The following AIG1 variants were observed in gnomAD, a reference collection of about 807,000 sequenced individuals.
AIG1 encodes androgen-induced gene 1 protein.
In AIG1, 23 loss-of-function variants were observed where a neutral mutation model predicts 31.4. That is an observed-to-expected ratio of 0.73 (90% CI 0.53 to 1.04). The LOEUF is 1.04. Among genes scored for constraint, AIG1 ranks in the 50% least tolerant of loss-of-function variants. AIG1 has a pLI of 0.00. For missense variants in AIG1, 274 were observed against 295.0 expected (o/e 0.93, Z 0.52); for synonymous variants, 100 against 110.5 (o/e 0.90, Z 0.60).
intron 1 of AIG1, among the ~76,000 whole-genome samples, chr6:143,062,609 G>A (rs1279379746): frequency 6.6e-6 from 1 of 152,198 alleles, no homozygotes; most frequent in African/African-American, 2.4e-5. Context: ...TGCCAATTAT[G>A]TTGTGTAGCA....
intron 2 of AIG1, among the ~76,000 whole-genome samples, chr6:143,145,731 TA>T (rs768941530): frequency 6.6e-6 from 1 of 152,164 alleles, no homozygotes; most frequent in Non-Finnish European, 1.5e-5. Context: ...TCAGGAGTTT[TA>T]AAAAATGTAA....
chr6:143,137,093 A>G, intron 2 of AIG1, 103 bp downstream of exon 2: 3 of 1,236,940 alleles, frequency 2.4e-6, no homozygotes, highest in Non-Finnish European at 3.1e-6. Flanking sequence ...TTTCTGTATT[A>G]TTAGTTTGCT....
intron 2 of AIG1, among the ~76,000 whole-genome samples, chr6:143,143,528 AATATAT>A (rs1245695724): frequency 9.0e-4 from 25 of 27,790 alleles, no homozygotes; most frequent in South Asian, 5.1e-3. Flanking sequence ...AAAAAAAAAA[AATATAT>A]ATATATATAT....
intron 2 of AIG1, among the ~76,000 whole-genome samples, chr6:143,160,400 G>T (rs1786239748): frequency 6.6e-6 from 1 of 152,176 alleles, no homozygotes; most frequent in Non-Finnish European, 1.5e-5. Context: ...TTTTCTTTTG[G>T]CATTAATTTC....
intron 3 of AIG1, among the ~76,000 whole-genome samples, chr6:143,175,630 T>A (rs1211106709): frequency 6.6e-6 from 1 of 152,250 alleles, no homozygotes; most frequent in Non-Finnish European, 1.5e-5. Context: ...TGCATTTCTC[T>A]AAGTGTGATT....
rs980117311 is a variant in AIG1 at position 143,274,209 on chromosome 6, C to T, written c.400-9901C>T. 5.9e-5 allele frequency among the ~76,000 whole-genome samples: 9 copies of T among 152,144 alleles called. No individual in the cohort carries two copies. The South Asian group carries it at 6.2e-4, about 11-fold the overall frequency. ...TCCCTCATAGGAGATCTACCCCTGGCCATTCTTTTATCCTTCGGTTGTCCT... is the reference window on the plus strand; with the variant it reads ...TCCCTCATAGGAGATCTACCCCTGGTCATTCTTTTATCCTTCGGTTGTCCT... On this transcript the variant is annotated intron_variant, in intron 3 of 5. Transcript: ENST00000357847.
At chr6:143,174,101 T>C (rs1287711914) in intron 3 of AIG1, among the ~76,000 whole-genome samples, 2 of 152,200 alleles carry the variant, frequency 1.3e-5, no homozygotes, top group Admixed American at 1.3e-4. Context: ...AGGATTTTGA[T>C]ATTTCCCTGT....
chr6:143,337,876 C>T (rs1777626910), intron 5 of AIG1: 3 of 398,180 alleles, frequency 7.5e-6, no homozygotes, highest in Admixed American at 4.4e-5. Context: ...ATCCTGCCTT[C>T]GCTTTGCGAT....
rs893426455 is a variant in AIG1, at chr6:143,297,960, A to G, written c.515+13735A>G. Among the ~76,000 whole-genome samples, 1 of 152,184 alleles carries G rather than the reference A, an allele frequency of 6.6e-6. No homozygotes were observed. The highest frequency in any genetic ancestry group is 2.4e-5 in the African/African-American group (1 of 41,430). ...TAAGTCACCCATAAAGCTGAGAATT[A>G]CGTACAAAACTCTTACATAAATTAA... is the stretch of plus-strand genomic sequence containing the variant. On this transcript the variant is annotated intron_variant, in intron 4 of 5. Transcript: ENST00000357847. This position sits in a 1 kb window ranked among gnomAD's most constrained non-coding sequence, Gnocchi z 5.1.
At chr6:143,171,047 A>G (rs1238287991) in intron 3 of AIG1, among the ~76,000 whole-genome samples, 3 of 152,052 alleles carry the variant, frequency 2.0e-5, no homozygotes, top group Non-Finnish European at 2.9e-5. Context: ...ATTCAATGAA[A>G]TAATAGCTGA....
chr6:143,204,345 G>A (rs61328385), intron 3 of AIG1, among the ~76,000 whole-genome samples: 231 of 152,222 alleles, frequency 1.5e-3, no homozygotes, highest in African/African-American at 5.4e-3. Context: ...TAGAACTGTT[G>A]ACCAGAGTGC....
rs1014438958 is a variant in AIG1 at position 143,325,068 on chromosome 6, A to G, written c.516-8214A>G. 5.3e-5 allele frequency among the ~76,000 whole-genome samples: 8 copies of G among 152,184 alleles called. No homozygotes were observed. The highest frequency in any genetic ancestry group is 1.9e-4 in the African/African-American group (8 of 41,434). ...TGTACATACCACTTGGAATCTGAAA[A>G]TGCTTTCCCTTCCACTTTATTGGTG... On this transcript the variant is annotated intron_variant, in intron 4 of 5. Transcript: ENST00000357847. This position sits in a 1 kb window ranked among gnomAD's most constrained non-coding sequence, Gnocchi z 4.3.
intron 2 of AIG1, among the ~76,000 whole-genome samples, chr6:143,164,198 C>T (rs1410398001): frequency 2.0e-5 from 3 of 152,172 alleles, no homozygotes; most frequent in Non-Finnish European, 4.4e-5. Flanking sequence ...TGAGGCATCA[C>T]TCTACAGAGA....
chr6:143,132,098 A>G (rs1232893208), intron 1 of AIG1, among the ~76,000 whole-genome samples: 1 of 152,178 alleles, frequency 6.6e-6, no homozygotes, highest in Admixed American at 6.5e-5. Context: ...TTACTTCTAA[A>G]TATTCTTAAA....
At chr6:143,110,683 AGGTG>A (rs1781187731) in intron 1 of AIG1, among the ~76,000 whole-genome samples, 1 of 152,090 alleles carries the variant, frequency 6.6e-6, no homozygotes, top group Non-Finnish European at 1.5e-5. Flanking sequence ...CTTGAGGAGG[AGGTG>A]CGGAGTTTTT....
chr6:143,063,831 G>C (rs988733185), intron 1 of AIG1, among the ~76,000 whole-genome samples: 1 of 152,210 alleles, frequency 6.6e-6, no homozygotes, highest in Non-Finnish European at 1.5e-5. Flanking sequence ...CAGGCTCTAT[G>C]CATCCAGGAG....
intron 1 of AIG1, among the ~76,000 whole-genome samples, chr6:143,062,891 A>G (rs1776378955): frequency 1.3e-5 from 2 of 152,168 alleles, no homozygotes; most frequent in African/African-American, 4.8e-5. Context: ...GCCTATTTGA[A>G]TGTTGCTAAA....
At chr6:143,096,186 G>T (rs934328058) in intron 1 of AIG1, among the ~76,000 whole-genome samples, 2 of 152,112 alleles carry the variant, frequency 1.3e-5, no homozygotes, top group Admixed American at 1.3e-4. Flanking sequence ...GATTACAGGC[G>T]TGAGCCACCA....
chr6:143,091,952 G>T (rs1035887341), intron 1 of AIG1, among the ~76,000 whole-genome samples: 1 of 151,920 alleles, frequency 6.6e-6, no homozygotes, highest in Non-Finnish European at 1.5e-5. Flanking sequence ...TGTAAGCAAC[G>T]TCTGGTGCTT....
Sources: gnomAD v4.1 joint callset for allele counts (sites outside exome capture counted in the v4.1 genomes callset) on GRCh38, gnomAD v4.1.1 for gene constraint, Gnocchi (gnomAD v3.1) non-coding constraint, MANE v1.5 for transcripts, NCBI Gene and HGNC (gene_info 2026-07-23, HGNC 2026-07-21) for gene names.